ZFP2: variants seen among roughly 807,000 people sequenced by gnomAD.
The protein encoded by ZFP2 is zinc finger protein ZFP2.
A neutral mutation model predicts 36.1 loss-of-function variants in ZFP2; 33 were observed. That is an observed-to-expected ratio of 0.92 (90% CI 0.69 to 1.22). The LOEUF (loss-of-function observed/expected upper bound fraction) is 1.22. Ranked by LOEUF, ZFP2 falls within the 50% of genes most tolerant of loss-of-function variation. ZFP2 has a pLI of 0.00. For synonymous variants in ZFP2, 170 were observed against 178.0 expected (o/e 0.96, Z 0.36); for missense variants, 522 against 551.4 (o/e 0.95, Z 0.53).
At chr5:178,896,508 C>T (rs1375035011) in intron 1 of ZFP2, among the ~76,000 whole-genome samples, 1 of 152,204 alleles carries the variant, frequency 6.6e-6, no homozygotes, top group Non-Finnish European at 1.5e-5. Flanking sequence ...CCGGACCCGC[C>T]CTCTGGATCT....
At chr5:178,926,047 A>G (rs1212002082) in intron 4 of ZFP2, among the ~76,000 whole-genome samples, 1 of 148,392 alleles carries the variant, frequency 6.7e-6, no homozygotes, top group Non-Finnish European at 1.5e-5. Flanking sequence ...GGCTCTCACT[A>G]TGTTGCCCTA....
At chr5:178,928,249 T>G (rs1425691416) in intron 4 of ZFP2, among the ~76,000 whole-genome samples, 1 of 152,160 alleles carries the variant, frequency 6.6e-6, no homozygotes, top group African/African-American at 2.4e-5. Context: ...CTCCCAATCT[T>G]ATGTCTTTCT....
chr5:178,914,897 A>AGATTGTGTGGC (rs1758385382), intron 3 of ZFP2, among the ~76,000 whole-genome samples: 1 of 152,130 alleles, frequency 6.6e-6, no homozygotes, highest in Non-Finnish European at 1.5e-5. Flanking sequence ...CTGAGGTAGG[A>AGATTGTGTGGC]GATTGTGTGG....
In ZFP2 at chr5:178,931,489, C is replaced by T. The variant is rs1758836239; in HGVS notation, c.176C>T (p.Ser59Leu). Residue 59 changes from serine (S) to leucine (L), a missense_variant, in exon 5 of 5, where the codon TCA (serine) becomes TTA (leucine). Ser to Leu is a moderately radical substitution (Grantham distance 145). Coordinates refer to ENST00000361362, the MANE Select transcript of ZFP2 (RefSeq NM_030613.4). ...NEFERCSSQD[S>L]ILDTQQSIPM... ...TTTGAAAGATGTTCCAGTCAGGATT[C>T]AATCCTTGATACACAGCAAAGCATT... 1 of 1,614,020 alleles carries T rather than the reference C, an allele frequency of 6.2e-7. No individual in the cohort carries two copies. Among genetic ancestry groups the T allele is most frequent in the Non-Finnish European group, 8.5e-7 (1 of 1,180,028 alleles).
At chr5:178,912,843 G>T in intron 2 of ZFP2, 124 bp downstream of exon 2, 1 of 901,756 alleles carries the variant, frequency 1.1e-6, no homozygotes, top group Non-Finnish European at 1.3e-6. Flanking sequence ...ATTTTCTGTA[G>T]AGAATGGAAA....
chr5:178,915,322 C>CTTTTTTTTTT (rs769089977), intron 3 of ZFP2, among the ~76,000 whole-genome samples: 1 of 72,686 alleles, frequency 1.4e-5, no homozygotes, highest in East Asian at 4.8e-4. Context: ...GTTTTTCTTT[C>CTTTTTTTTTT]TTTTTTTTTT....
intron 1 of ZFP2, among the ~76,000 whole-genome samples, chr5:178,908,747 A>T (rs945256369): frequency 2.6e-5 from 4 of 152,162 alleles, no homozygotes; most frequent in Non-Finnish European, 4.4e-5. Context: ...AACAAGAAAT[A>T]ACCAAAATAA....
intron 1 of ZFP2, among the ~76,000 whole-genome samples, chr5:178,901,494 G>C (rs957301486): frequency 7.2e-5 from 11 of 152,206 alleles, no homozygotes; most frequent in Admixed American, 2.0e-4. Flanking sequence ...TCTAGCTTCT[G>C]GTGGTTTGCT....
At chr5:178,912,163 GAA>G (rs1369374685) in intron 1 of ZFP2, among the ~76,000 whole-genome samples, 2 of 152,166 alleles carry the variant, frequency 1.3e-5, no homozygotes, top group East Asian at 3.9e-4. Context: ...GAAAAGAAAA[GAA>G]AAGAACGAGG....
chr5:178,897,841 A>G (rs1422064976), intron 1 of ZFP2, among the ~76,000 whole-genome samples: 4 of 152,148 alleles, frequency 2.6e-5, no homozygotes, highest in African/African-American at 9.7e-5. Flanking sequence ...GTGGTCAACA[A>G]TGTATCTGGT....
At chr5:178,922,891 T>A (rs1758589368) in intron 4 of ZFP2, among the ~76,000 whole-genome samples, 1 of 149,570 alleles carries the variant, frequency 6.7e-6, no homozygotes. Flanking sequence ...TACCTTCTAG[T>A]TGAAATAAAG....
intron 1 of ZFP2, among the ~76,000 whole-genome samples, chr5:178,898,066 G>A (rs1228748831): frequency 6.6e-6 from 1 of 152,026 alleles, no homozygotes; most frequent in African/African-American, 2.4e-5. Flanking sequence ...TCTCGACACT[G>A]CAACCTCTAC....
chr5:178,922,542 T>C lies in ZFP2; in HGVS notation c.-78+5832T>C. The C allele has an allele frequency of 2.1e-6, 3 of 1,422,160 alleles. No homozygotes were observed. The Admixed American group carries it at 5.1e-5, about 24-fold the overall frequency. The allele number at this position is 1,422,160 out of a possible 1,614,324, so 88.1% of individuals were successfully genotyped here. On this transcript the variant is annotated intron_variant, in intron 4 of 4. Transcript: ENST00000361362. ...GAGAATAGTCTCCAGATCACTGCAA[T>C]GTCTAGTTTTGTAGGAGCATGGCTT...
chr5:178,900,023 TG>T (rs1270043228), intron 1 of ZFP2, among the ~76,000 whole-genome samples: 1 of 152,112 alleles, frequency 6.6e-6, no homozygotes, highest in East Asian at 1.9e-4. Context: ...ACTTTTAAAA[TG>T]GGGGTATTGG....
chr5:178,925,123 A>G lies in ZFP2; in HGVS notation c.-77-6114A>G, dbSNP rs200064083. The stretch of plus-strand genomic sequence containing the variant: ...ATTGAATCTTTATATATATATATAT[A>G]TATACACACACACACACACACACAC... On this transcript the variant is annotated intron_variant, in intron 4 of 4. Transcript: ENST00000361362. Among the ~76,000 whole-genome samples the G allele has an allele frequency of 3.9e-4, 40 of 103,698 alleles. 1 individual carries two copies. Among genetic ancestry groups the G allele is most frequent in the South Asian group, 1.9e-3 (6 of 3,210 alleles). 68.0% of individuals were successfully genotyped at this position (103,698 alleles called of 152,430 possible).
In ZFP2 at chr5:178,930,314, CTTTTTTTTTTTTTT is replaced by C. The variant is rs990713790; in HGVS notation, c.-77-912_-77-899del. Among the ~76,000 whole-genome samples the C allele has an allele frequency of 5.6e-5, 4 of 71,372 alleles. 1 individual carries two copies. The highest frequency in any genetic ancestry group is 2.4e-4 in the African/African-American group (4 of 16,698). 46.8% of individuals were successfully genotyped at this position (71,372 alleles called of 152,430 possible). ...ATTTCTTTCTTTTTTTTTCCCTTTCCTTTTTTTTTTTTTTTTTTTTTTTTGAGACAGAGTCTCAC... is the reference window on the plus strand; with the variant it reads ...ATTTCTTTCTTTTTTTTTCCCTTTCCTTTTTTTTTTGAGACAGAGTCTCAC... On this transcript the variant is annotated intron_variant, in intron 4 of 4. Transcript: ENST00000361362.
Position 178,932,556 on chromosome 5 carries a change from T to A in ZFP2, c.1243T>A (p.Cys415Ser). The change falls in exon 5 of 5, where the codon TGT (cysteine) becomes AGT (serine). Residue 415 changes from cysteine to serine, a missense_variant. By Grantham distance (112) the Cys-to-Ser change is moderately radical. Coordinates refer to ENST00000361362, the MANE Select transcript of ZFP2 (RefSeq NM_030613.4). ...TGEKPYECDQ[C>S]GKAFIKNSSL... The stretch of plus-strand genomic sequence containing the variant: ...TGAGAAACCCTATGAATGTGATCAG[T>A]GTGGAAAAGCCTTCATTAAGAATTC... The A allele has an allele frequency of 1.9e-6, 3 of 1,614,116 alleles. No individual in the cohort carries two copies. Among genetic ancestry groups the A allele is most frequent in the Non-Finnish European group, 2.5e-6 (3 of 1,180,034 alleles).
chr5:178,922,081 CAA>C, intron 4 of ZFP2: 1 of 995,846 alleles, frequency 1.0e-6, no homozygotes, highest in South Asian at 1.3e-5. Flanking sequence ...ATACCGATAT[CAA>C]GAGACTACTG....
chr5:178,929,859 A>C (rs909973098), intron 4 of ZFP2, among the ~76,000 whole-genome samples: 1 of 150,886 alleles, frequency 6.6e-6, no homozygotes, highest in African/African-American at 2.4e-5. Flanking sequence ...GAAATACCTC[A>C]GACTGGGTGA....
Sources: allele counts gnomAD v4.1 joint callset (sites outside exome capture counted in the v4.1 genomes callset), GRCh38; gene constraint gnomAD v4.1.1; transcripts MANE v1.5; gene names NCBI Gene and HGNC (gene_info 2026-07-23, HGNC 2026-07-21).